MAPKAPK5: variants seen among roughly 807,000 people sequenced by gnomAD.
MAPKAPK5 encodes the protein MAPK activated protein kinase 5, also known as MAP kinase-activated protein kinase 5.
MAPKAPK5 carries 30 observed loss-of-function variants against 65.1 expected under a neutral mutation model. The observed-to-expected ratio is 0.46, with a 90% confidence interval of 0.34 to 0.63. The LOEUF is 0.63. Ranked by LOEUF, MAPKAPK5 falls within the 20% of genes least tolerant of loss-of-function variation. The pLI, the probability that MAPKAPK5 is intolerant of heterozygous loss-of-function variation, is 0.01. For synonymous variants in MAPKAPK5, 179 were observed against 204.6 expected, an observed-to-expected ratio of 0.87 and a Z score of 1.07; for missense variants, 433 against 581.4, an observed-to-expected ratio of 0.74 and a Z score of 2.63.
At position 111,896,514 on chromosome 12, in the gene MAPKAPK5, A is replaced by ATAAC. The variant is rs1190594550; in HGVS notation, c.*3455_*3458dup. The ATAAC allele has an allele frequency of 1.3e-5, 2 of 152,234 alleles. No homozygotes were observed. The highest frequency in any genetic ancestry group is 2.4e-5 in the African/African-American group (1 of 41,456). 9.4% of individuals were successfully genotyped at this position (152,234 alleles called of 1,614,324 possible). On this transcript the variant is annotated 3_prime_UTR_variant, in exon 14 of 14. Transcript: ENST00000550735. ...GTCCAGCAGTAAATTCTGCTTTAAC[A>ATAAC]TAACTGTCAGGTTTGCTACTCGAAA...
At chr12:111,878,002 CTTTT>C (rs35586161) in intron 7 of MAPKAPK5, among the ~76,000 whole-genome samples, 3 of 140,454 alleles carry the variant, frequency 2.1e-5, no homozygotes, top group African/African-American at 5.2e-5. Flanking sequence ...GACTCTGACT[CTTTT>C]TTTTTTTTTT....
intron 1 of MAPKAPK5, among the ~76,000 whole-genome samples, chr12:111,859,906 C>G (rs2069375961): frequency 6.6e-6 from 1 of 151,584 alleles, no homozygotes; most frequent in Non-Finnish European, 1.5e-5. Flanking sequence ...GCCTCAGCCT[C>G]CCAAAGTGCT....
rs768158686 is a variant in MAPKAPK5, at chr12:111,901,513, C to A, written c.*8452C>A. 2.5e-6 allele frequency: 1 copy of A among 394,794 alleles called. No individual in the cohort carries two copies. The highest frequency in any genetic ancestry group is 5.0e-6 in the Non-Finnish European group (1 of 199,440). 24.5% of individuals were successfully genotyped at this position (394,794 alleles called of 1,614,324 possible). A position where few individuals can be genotyped will look rare whatever the true frequency, so the allele number is the denominator to read the frequency against. On this transcript the variant is annotated 3_prime_UTR_variant, in exon 14 of 14. Transcript: ENST00000550735. ...CTTTTTATAATATTATTATTAAGTACAATTATTTGATCTGCTTGCTTAAAA... is the reference window on the plus strand; with the variant it reads ...CTTTTTATAATATTATTATTAAGTAAAATTATTTGATCTGCTTGCTTAAAA...
intron 1 of MAPKAPK5, among the ~76,000 whole-genome samples, chr12:111,863,511 T>C (rs905262438): frequency 1.3e-5 from 2 of 152,234 alleles, no homozygotes; most frequent in East Asian, 1.9e-4. Context: ...TAAGCAAATA[T>C]CCTATTCCTG....
chr12:111,876,684 A>G (rs112519409), intron 7 of MAPKAPK5, among the ~76,000 whole-genome samples: 7 of 152,212 alleles, frequency 4.6e-5, no homozygotes, highest in South Asian at 2.1e-4. Context: ...AATGACATAT[A>G]TATTAGACTG....
chr12:111,842,425 C>T lies in MAPKAPK5; in HGVS notation c.-309C>T. On this transcript the variant is annotated 5_prime_UTR_variant, in exon 1 of 14. Transcript: ENST00000550735. ...CGCCCCGGGTCGAGGCCCTCCCCGCCTCGCCCTACCCCAGGAGCCTGCCTC... is the reference window on the plus strand; with the variant it reads ...CGCCCCGGGTCGAGGCCCTCCCCGCTTCGCCCTACCCCAGGAGCCTGCCTC... 1 of 247,472 alleles carries T rather than the reference C, an allele frequency of 4.0e-6. No individual in the cohort carries two copies. Among genetic ancestry groups the T allele is most frequent in the Non-Finnish European group, 7.7e-6 (1 of 129,148 alleles). The allele number at this position is 247,472 out of a possible 1,614,324, so 15.3% of individuals were successfully genotyped here. A position where few individuals can be genotyped will look rare whatever the true frequency, so the allele number is the denominator to read the frequency against.
chr12:111,886,983 A>T (rs138798900), intron 10 of MAPKAPK5, among the ~76,000 whole-genome samples: 2 of 152,348 alleles, frequency 1.3e-5, no homozygotes, highest in East Asian at 3.8e-4. Context: ...CAGTTGTGGC[A>T]TATCTGGTGA....
At chr12:111,842,826 C>T (rs1343960770) in intron 1 of MAPKAPK5, 57 bp downstream of exon 1, 1 of 1,272,416 alleles carries the variant, frequency 7.9e-7, no homozygotes, top group Admixed American at 3.7e-5. Context: ...CTTCTCGGCT[C>T]TAGCCTCAAA....
chr12:111,868,564 A>C (rs1021663428), intron 4 of MAPKAPK5, among the ~76,000 whole-genome samples, 189 bp from the exon 5 acceptor site: 12 of 152,212 alleles, frequency 7.9e-5, no homozygotes. Flanking sequence ...GCCAAAAATC[A>C]CATTAAAATT....
At chr12:111,882,139 G>C (rs980535811) in intron 8 of MAPKAPK5, among the ~76,000 whole-genome samples, 1 of 152,220 alleles carries the variant, frequency 6.6e-6, no homozygotes, top group Non-Finnish European at 1.5e-5. Flanking sequence ...CCAGCACTTT[G>C]GGAGGCCGAG....
chr12:111,880,659 G>C, intron 8 of MAPKAPK5, 132 bp downstream of exon 8: 2 of 714,108 alleles, frequency 2.8e-6, no homozygotes, highest in Admixed American at 2.3e-5. Flanking sequence ...GAAGCAGCCA[G>C]ACTCGCAGAA....
At chr12:111,844,056 T>G (rs965183333) in intron 1 of MAPKAPK5, among the ~76,000 whole-genome samples, 1 of 152,178 alleles carries the variant, frequency 6.6e-6, no homozygotes, top group African/African-American at 2.4e-5. Context: ...TCTCCTGACC[T>G]CGTGATCTGC....
At chr12:111,868,939 A>G in intron 5 of MAPKAPK5, 78 bp downstream of exon 5, 1 of 1,110,346 alleles carries the variant, frequency 9.0e-7, no homozygotes, top group South Asian at 1.4e-5. Context: ...GGAAGAAAAG[A>G]AAACTTAAAG....
Position 111,894,855 on chromosome 12 carries a change from G to T in MAPKAPK5, c.*1794G>T, listed in dbSNP as rs150921409. On this transcript the variant is annotated 3_prime_UTR_variant, in exon 14 of 14. Transcript: ENST00000550735. ...AAAGCTGGCAGGTAGACTCCAGCTC[G>T]CAGAGCAGAGGGAGAGGATAGTCAT... 6.6e-6 allele frequency: 1 copy of T among 151,518 alleles called. No individual in the cohort carries two copies. The highest frequency in any genetic ancestry group is 1.5e-5 in the Non-Finnish European group (1 of 67,982). 9.4% of individuals were successfully genotyped at this position (151,518 alleles called of 1,614,324 possible). A position where few individuals can be genotyped will look rare whatever the true frequency, so the allele number is the denominator to read the frequency against.
At chr12:111,892,323 C>T (rs1287269350) in intron 13 of MAPKAPK5, among the ~76,000 whole-genome samples, 2 of 152,164 alleles carry the variant, frequency 1.3e-5, no homozygotes, top group Non-Finnish European at 2.9e-5. Flanking sequence ...ATTGCTGGTT[C>T]ATGGAGGTCT....
At chr12:111,853,288 C>T (rs536617448) in intron 1 of MAPKAPK5, among the ~76,000 whole-genome samples, 16 of 151,768 alleles carry the variant, frequency 1.1e-4, no homozygotes, top group Non-Finnish European at 1.9e-4. Flanking sequence ...AGAAGAATGG[C>T]GCGAACCTGG....
At chr12:111,892,180 A>G (rs369318058) in intron 13 of MAPKAPK5, among the ~76,000 whole-genome samples, 24 of 152,194 alleles carry the variant, frequency 1.6e-4, no homozygotes, top group East Asian at 7.7e-4. Flanking sequence ...AATGTGTGCT[A>G]TATTTCTCCA....
At chr12:111,854,531 G>T (rs2069178286) in intron 1 of MAPKAPK5, among the ~76,000 whole-genome samples, 1 of 152,148 alleles carries the variant, frequency 6.6e-6, no homozygotes, top group Admixed American at 6.5e-5. Flanking sequence ...GAGCCACCGT[G>T]CTCGGCCAGT....
intron 7 of MAPKAPK5, among the ~76,000 whole-genome samples, chr12:111,874,773 CTTT>C (rs34005167): frequency 2.8e-3 from 302 of 107,674 alleles, no homozygotes; most frequent in Middle Eastern, 0.014. Flanking sequence ...ATACTAGTGA[CTTT>C]TTTTTTTTTT....
Sources: allele counts gnomAD v4.1 joint callset (sites outside exome capture counted in the v4.1 genomes callset), GRCh38; gene constraint gnomAD v4.1.1; transcripts MANE v1.5; gene names NCBI Gene and HGNC (gene_info 2026-07-23, HGNC 2026-07-21).